GULP1: variants seen among roughly 807,000 people sequenced by gnomAD.
GULP1 encodes GULP PTB domain containing engulfment adaptor 1, also known as PTB domain-containing engulfment adapter protein 1.
In GULP1, 19 loss-of-function variants were observed where a neutral mutation model predicts 40.9. The observed-to-expected ratio is 0.46, with a 90% CI of 0.32 to 0.68. GULP1 has a LOEUF of 0.68. GULP1 is among the 30% of genes least tolerant of loss of function. The probability of loss-of-function intolerance (pLI) is 0.03; values close to 1 mark genes in which losing one functional copy is unlikely to be tolerated. For missense variants in GULP1, 312 were observed against 362.2 expected (o/e 0.86, Z 1.12); for synonymous variants, 119 against 117.6 (o/e 1.01, Z -0.08).
chr2:188,441,075 A>C, intron 2 of GULP1, among the ~76,000 whole-genome samples: 1 of 7,690 alleles, frequency 1.3e-4, no homozygotes, highest in Non-Finnish European at 3.1e-4. Context: ...CGGGCCAGGT[A>C]GATAGCACTG....
At chr2:188,413,571 G>T (rs1423320232) in intron 2 of GULP1, among the ~76,000 whole-genome samples, 1 of 152,056 alleles carries the variant, frequency 6.6e-6, no homozygotes, top group Admixed American at 6.5e-5. Flanking sequence ...TAAGGTCTTT[G>T]TATATATCTT....
At chr2:188,386,067 T>C (rs149149204) in intron 2 of GULP1, among the ~76,000 whole-genome samples, 2,039 of 152,306 alleles carry the variant, frequency 0.013, 26 homozygotes, top group Non-Finnish European at 0.019. Flanking sequence ...ACCAATTTAC[T>C]GTATGAGTCT....
Position 188,587,956 on chromosome 2 carries a change from A to G in GULP1, c.843+7A>G, listed in dbSNP as rs774570245. 8 of 1,343,912 alleles carry G rather than the reference A, an allele frequency of 6.0e-6. No individual in the cohort carries two copies. Among genetic ancestry groups the G allele is most frequent in the South Asian group, 3.5e-5 (3 of 85,646 alleles). 83.2% of individuals were successfully genotyped at this position (1,343,912 alleles called of 1,614,324 possible). A position where few individuals can be genotyped will look rare whatever the true frequency, so the allele number is the denominator to read the frequency against. On this transcript the variant is annotated splice_region_variant and intron_variant, in intron 11 of 11. Transcript: ENST00000409830. Reference sequence around the variant, plus strand: ...AAAATTAGATGAGATGCAGGTGACTATTTTGATAGACTGGCCCATAAATGA... The same window carrying G: ...AAAATTAGATGAGATGCAGGTGACTGTTTTGATAGACTGGCCCATAAATGA...
intron 4 of GULP1, among the ~76,000 whole-genome samples, chr2:188,518,057 A>G (rs1415670961): frequency 6.6e-6 from 1 of 152,040 alleles, no homozygotes; most frequent in East Asian, 1.9e-4. Context: ...CAAAGTTTGT[A>G]TACTTTGTAC....
At chr2:188,381,036 A>G (rs1366568565) in intron 1 of GULP1, among the ~76,000 whole-genome samples, 1 of 152,164 alleles carries the variant, frequency 6.6e-6, no homozygotes, top group East Asian at 1.9e-4. Context: ...TGAGCATATT[A>G]TGTTCATACT....
At chr2:188,552,520 T>C (rs538580689) in intron 7 of GULP1, among the ~76,000 whole-genome samples, 77 of 152,106 alleles carry the variant, frequency 5.1e-4, no homozygotes, top group African/African-American at 1.7e-3. Context: ...TCTGTGTGTC[T>C]GTTTTTATAC....
intron 1 of GULP1, among the ~76,000 whole-genome samples, chr2:188,363,139 T>C (rs991020333): frequency 1.3e-5 from 2 of 152,130 alleles, no homozygotes; most frequent in Admixed American, 6.6e-5. Context: ...CTTTTTCTTA[T>C]AGAAAACACT....
At chr2:188,574,287 G>T (rs75447049) in intron 9 of GULP1, among the ~76,000 whole-genome samples, 4 of 152,110 alleles carry the variant, frequency 2.6e-5, no homozygotes, top group Non-Finnish European at 5.9e-5. Context: ...TGATGAAGTA[G>T]AAGATGAAGC....
At chr2:188,476,425 T>C (rs2061014626) in intron 2 of GULP1, among the ~76,000 whole-genome samples, 1 of 152,076 alleles carries the variant, frequency 6.6e-6, no homozygotes. Context: ...TCAGTTACTG[T>C]CTTGTCATCT....
At chr2:188,414,833 A>C (rs1183085966) in intron 2 of GULP1, among the ~76,000 whole-genome samples, 1 of 152,216 alleles carries the variant, frequency 6.6e-6, no homozygotes, top group African/African-American at 2.4e-5. Context: ...TTAGGTAATT[A>C]GAGTAATTTA....
chr2:188,310,072 G>C (rs931979870), intron 1 of GULP1, among the ~76,000 whole-genome samples: 23 of 152,086 alleles, frequency 1.5e-4, no homozygotes, highest in Non-Finnish European at 4.4e-5. Context: ...CTAGGAATAT[G>C]GGTTATTAAT....
rs925786709 is a variant in GULP1, at chr2:188,490,240, G to C, written c.90+6748G>C. On this transcript the variant is annotated intron_variant, in intron 4 of 11. Coordinates refer to ENST00000409830, the MANE Select transcript of GULP1 (RefSeq NM_016315.4). The stretch of plus-strand genomic sequence containing the variant: ...TCAAGACCCAGAGAAGTTGTGATTT[G>C]TTTAAGCTTACACAGGAAGATAGTA... 7.9e-5 allele frequency among the ~76,000 whole-genome samples: 12 copies of C among 152,106 alleles called. No individual in the cohort carries two copies. In the South Asian group the frequency reaches 2.5e-3, roughly 31 times the overall value.
At chr2:188,334,840 C>G in intron 1 of GULP1, among the ~76,000 whole-genome samples, 1 of 152,152 alleles carries the variant, frequency 6.6e-6, no homozygotes, top group Non-Finnish European at 1.5e-5. Flanking sequence ...TCCAGAAACT[C>G]TGTCTAGCAA....
chr2:188,390,967 T>G (rs1345220933), intron 2 of GULP1, among the ~76,000 whole-genome samples: 1 of 152,132 alleles, frequency 6.6e-6, no homozygotes, highest in Non-Finnish European at 1.5e-5. Flanking sequence ...TTATGGTCCA[T>G]TGGTCTATGT....
At chr2:188,465,736 T>C (rs1431522961) in intron 2 of GULP1, among the ~76,000 whole-genome samples, 1 of 152,126 alleles carries the variant, frequency 6.6e-6, no homozygotes, top group Non-Finnish European at 1.5e-5. Context: ...AGGGCAGCAC[T>C]GAGTTCAATG....
chr2:188,563,415 A>G (rs975004972), intron 7 of GULP1, among the ~76,000 whole-genome samples: 3 of 151,164 alleles, frequency 2.0e-5, no homozygotes, highest in African/African-American at 7.3e-5. Context: ...AAATTGATAA[A>G]TATCTTGAAA....
At chr2:188,501,203 G>A (rs1278634397) in intron 4 of GULP1, among the ~76,000 whole-genome samples, 2 of 151,870 alleles carry the variant, frequency 1.3e-5, no homozygotes, top group Admixed American at 1.3e-4. Flanking sequence ...GACCCGGTGG[G>A]AGGTGATTGG....
At chr2:188,476,517 A>G (rs1177555913) in intron 2 of GULP1, among the ~76,000 whole-genome samples, 2 of 146,036 alleles carry the variant, frequency 1.4e-5, no homozygotes, top group East Asian at 1.9e-4. Flanking sequence ...TCTCTAGGTT[A>G]TCAAGGAAGA....
chr2:188,460,035 G>C (rs2059576847), intron 2 of GULP1, among the ~76,000 whole-genome samples: 1 of 152,072 alleles, frequency 6.6e-6, no homozygotes, highest in Non-Finnish European at 1.5e-5. Context: ...ATGCTGTTTT[G>C]TTTGCTATAG....
Sources: allele counts gnomAD v4.1 joint callset (sites outside exome capture counted in the v4.1 genomes callset), GRCh38; gene constraint gnomAD v4.1.1; transcripts MANE v1.5; gene names NCBI Gene and HGNC (gene_info 2026-07-23, HGNC 2026-07-21).